KCTD20: variants seen among roughly 807,000 people sequenced by gnomAD.
The protein encoded by KCTD20 is potassium channel tetramerization domain containing 20.
A neutral mutation model predicts 39.6 loss-of-function variants in KCTD20; 30 were observed. That is an observed-to-expected ratio of 0.76 (90% CI 0.57 to 1.03). The LOEUF is 1.03. Ranked by LOEUF, KCTD20 falls within the 50% of genes least tolerant of loss-of-function variation. The pLI is 0.00. For synonymous variants in KCTD20, 162 were observed against 180.6 expected, an observed-to-expected ratio of 0.90 and a Z score of 0.83; for missense variants, 422 against 522.0, an observed-to-expected ratio of 0.81 and a Z score of 1.87.
rs1289039610 is a variant in KCTD20 at position 36,486,924 on chromosome 6, G to A, written c.1009G>A (p.Gly337Ser). ...AGAAAAAATTAAGAGAAGGCCTGGC[G>A]GCCGGTCTGAAGTCATCTATAATTA... ...CKEKIKRRPGGRSEVIYNYVQ... is the reference protein window; with the variant it reads ...CKEKIKRRPGSRSEVIYNYVQ... The change falls in exon 8 of 8, where the codon GGC becomes AGC. Residue 337 changes from glycine to serine, a missense_variant. Gly to Ser is a moderately conservative substitution (Grantham distance 56). Coordinates refer to ENST00000373731, the MANE Select transcript of KCTD20 (RefSeq NM_173562.5). 3 of 1,613,790 alleles carry A rather than the reference G, an allele frequency of 1.9e-6. No homozygotes were observed. Among genetic ancestry groups the A allele is most frequent in the South Asian group, 2.2e-5 (2 of 91,014 alleles).
At position 36,479,705 on chromosome 6, in the gene KCTD20, G is replaced by A; in HGVS notation, c.652G>A (p.Asp218Asn). ...NFDFNTIRCQDLSALLHELSN... is the reference protein window; with the variant it reads ...NFDFNTIRCQNLSALLHELSN... Reference sequence around the variant, plus strand: ...TGACTTCAACACTATCCGATGTCAAGATCTGAGTAAGTACAGGAGCAGGTG... The same window carrying A: ...TGACTTCAACACTATCCGATGTCAAAATCTGAGTAAGTACAGGAGCAGGTG... The change falls in exon 5 of 8, where the codon GAT becomes AAT. Residue 218 changes from aspartate (D) to asparagine (N), a missense_variant. Physicochemically the swap from Asp to Asn is conservative, Grantham distance 23. Coordinates refer to ENST00000373731, the MANE Select transcript of KCTD20 (RefSeq NM_173562.5). 1 of 1,554,996 alleles carries A rather than the reference G, an allele frequency of 6.4e-7. No individual in the cohort carries two copies. The highest frequency in any genetic ancestry group is 8.7e-7 in the Non-Finnish European group (1 of 1,145,078).
At chr6:36,477,971 T>G (rs892803531) in intron 3 of KCTD20, among the ~76,000 whole-genome samples, 2 of 150,806 alleles carry the variant, frequency 1.3e-5, no homozygotes, top group Non-Finnish European at 3.0e-5. Context: ...GGCGGGCGCC[T>G]GTAGTCCCAA....
intron 1 of KCTD20, among the ~76,000 whole-genome samples, chr6:36,454,399 T>C (rs986642539): frequency 6.6e-6 from 1 of 151,620 alleles, no homozygotes; most frequent in Non-Finnish European, 1.5e-5. Context: ...TGGAGTGCAG[T>C]GGCGTGATCT....
rs142646138 is a variant in KCTD20 at position 36,457,582 on chromosome 6, T to C, written c.-46-12470T>C. 7.8e-4 allele frequency among the ~76,000 whole-genome samples: 119 copies of C among 152,182 alleles called. 1 individual carries two copies. The highest frequency in any genetic ancestry group is 2.8e-3 in the African/African-American group (116 of 41,502). ...TTAAAAAATTAGCTGGGCATGGTTG[T>C]GCATACCTGTAATACCAGCTACTTG... On this transcript the variant is annotated intron_variant, in intron 1 of 7. Transcript: ENST00000373731.
At chr6:36,456,092 C>T (rs909670886) in intron 1 of KCTD20, among the ~76,000 whole-genome samples, 70 of 152,104 alleles carry the variant, frequency 4.6e-4, no homozygotes, top group African/African-American at 1.6e-3. Flanking sequence ...CTTTTCTGAG[C>T]GCTCTCCAGT....
intron 6 of KCTD20, among the ~76,000 whole-genome samples, chr6:36,482,824 T>A (rs1263113292): frequency 6.6e-6 from 1 of 151,324 alleles, no homozygotes; most frequent in Non-Finnish European, 1.5e-5. Context: ...CTCATGCCTG[T>A]AATCCTAGCT....
intron 2 of KCTD20, among the ~76,000 whole-genome samples, chr6:36,471,252 A>G (rs539193968): frequency 6.6e-6 from 1 of 152,210 alleles, no homozygotes; most frequent in Non-Finnish European, 1.5e-5. Flanking sequence ...TTAACTTTTA[A>G]TTAAAACAAT....
chr6:36,452,364 C>T (rs1775281543), intron 1 of KCTD20, among the ~76,000 whole-genome samples: 1 of 151,912 alleles, frequency 6.6e-6, no homozygotes, highest in South Asian at 2.1e-4. Context: ...TAGGACTTTG[C>T]AGATTTTCTA....
intron 1 of KCTD20, among the ~76,000 whole-genome samples, chr6:36,455,748 A>AG (rs1427158674): frequency 2.0e-5 from 3 of 152,220 alleles, no homozygotes; most frequent in Non-Finnish European, 4.4e-5. Context: ...CCTCTAGGAT[A>AG]GGAGCAAAAG....
chr6:36,453,517 G>GTTT (rs545358597), intron 1 of KCTD20, among the ~76,000 whole-genome samples: 1 of 134,912 alleles, frequency 7.4e-6, no homozygotes, highest in Non-Finnish European at 1.6e-5. Flanking sequence ...TTTGTTTTTT[G>GTTT]TTTTTTTTTT....
intron 1 of KCTD20, among the ~76,000 whole-genome samples, chr6:36,450,749 A>G (rs1775228528): frequency 6.6e-6 from 1 of 152,202 alleles, no homozygotes; most frequent in African/African-American, 2.4e-5. Context: ...ATTAACTTAA[A>G]TTCCTAATTC....
chr6:36,467,043 C>G (rs1775775678), intron 1 of KCTD20, among the ~76,000 whole-genome samples: 1 of 151,998 alleles, frequency 6.6e-6, no homozygotes, highest in Non-Finnish European at 1.5e-5. Context: ...TGTGGTCGTG[C>G]ACACCTGTAA....
chr6:36,454,826 G>A (rs953828332), intron 1 of KCTD20, among the ~76,000 whole-genome samples: 3 of 150,724 alleles, frequency 2.0e-5, no homozygotes, highest in Non-Finnish European at 4.4e-5. Context: ...TCATATTTCT[G>A]TAGAATTGGG....
At chr6:36,465,476 T>A (rs1775722262) in intron 1 of KCTD20, 1 of 151,512 alleles carries the variant, frequency 6.6e-6, no homozygotes, top group Non-Finnish European at 1.5e-5. Flanking sequence ...CTTGTTTTCT[T>A]CAGAAATAAT....
intron 1 of KCTD20, among the ~76,000 whole-genome samples, chr6:36,448,917 T>C (rs1270115646): frequency 6.6e-6 from 1 of 152,038 alleles, no homozygotes; most frequent in Non-Finnish European, 1.5e-5. Context: ...TCTCAGTGAG[T>C]GTTACAGCTC....
At chr6:36,482,945 CAAAA>C (rs1193405719) in intron 6 of KCTD20, among the ~76,000 whole-genome samples, 6 of 82,428 alleles carry the variant, frequency 7.3e-5, no homozygotes, top group Admixed American at 1.3e-4. Flanking sequence ...GACTACGTCT[CAAAA>C]AAAAAAAAAA....
intron 6 of KCTD20, among the ~76,000 whole-genome samples, chr6:36,483,553 C>T (rs1305202146): frequency 6.6e-6 from 1 of 152,086 alleles, no homozygotes; most frequent in South Asian, 2.1e-4. Flanking sequence ...CTTGCTCTTT[C>T]ACCCAGGCTG....
chr6:36,473,351 C>T (rs1037795751), intron 2 of KCTD20, among the ~76,000 whole-genome samples: 7 of 151,994 alleles, frequency 4.6e-5, no homozygotes, highest in African/African-American at 1.7e-4. Flanking sequence ...CGTGAGCCAC[C>T]GCACCCGGCC....
intron 1 of KCTD20, among the ~76,000 whole-genome samples, chr6:36,461,406 G>A (rs1402691827): frequency 6.6e-6 from 1 of 152,092 alleles, no homozygotes; most frequent in Non-Finnish European, 1.5e-5. Context: ...ATGTTTGATG[G>A]GAATGCCAAA....
Sources: allele counts gnomAD v4.1 joint callset (sites outside exome capture counted in the v4.1 genomes callset), GRCh38; gene constraint gnomAD v4.1.1; transcripts MANE v1.5; gene names NCBI Gene and HGNC (gene_info 2026-07-23, HGNC 2026-07-21).